CCDC146: variants seen among roughly 807,000 people sequenced by gnomAD.
CCDC146 encodes the protein coiled-coil domain-containing protein 146.
A neutral mutation model predicts 119.3 loss-of-function variants in CCDC146; 92 were observed. That is an observed-to-expected ratio of 0.77 (90% CI 0.65 to 0.92). The LOEUF is 0.92. Ranked by LOEUF, CCDC146 falls within the 40% of genes least tolerant of loss-of-function variation. The pLI is 0.00. For synonymous variants in CCDC146, 372 were observed against 371.8 expected, an observed-to-expected ratio of 1.00 and a Z score of -0.01; for missense variants, 1,000 against 1,103.0, an observed-to-expected ratio of 0.91 and a Z score of 1.32.
At chr7:77,213,307 G>T (rs1307059742) in intron 2 of CCDC146, among the ~76,000 whole-genome samples, 1 of 151,442 alleles carries the variant, frequency 6.6e-6, no homozygotes, top group African/African-American at 2.4e-5. Context: ...TTCCCAGGCT[G>T]GTCTTAAATT....
At position 77,274,598 on chromosome 7, in the gene CCDC146, T is replaced by C. The variant is rs1212555829; in HGVS notation, c.1386T>C (p.Thr462=). ...KELVVNLLRM[T]QIKIDEKEQK... is the part of the protein sequence containing the mutation. ...TAGTAGTCAACCTTCTCCGCATGAC[T>C]CAAATCAAAATTGATGAAAAGGAAC... The change falls in exon 11 of 19, where the codon ACT becomes ACC. Residue 462 remains threonine (T), a synonymous_variant. Transcript: ENST00000285871. 5 of 1,613,116 alleles carry C rather than the reference T, an allele frequency of 3.1e-6. No homozygotes were observed. Among genetic ancestry groups the C allele is most frequent in the Non-Finnish European group, 3.4e-6 (4 of 1,179,664 alleles).
At position 77,154,151 on chromosome 7, in the gene CCDC146, C is replaced by T. The variant is rs2117451240; in HGVS notation, c.-11-13507C>T. 1.3e-5 allele frequency among the ~76,000 whole-genome samples: 2 copies of T among 151,842 alleles called. 1 individual carries two copies. Among genetic ancestry groups the T allele is most frequent in the Admixed American group, 1.3e-4 (2 of 15,262 alleles). On this transcript the variant is annotated intron_variant, in intron 1 of 18. Transcript: ENST00000285871. ...GTAGTTGCCAGGGGTTGGGGGAGGTCCGAGGGGTTGACTATAATGTGCTGT... is the reference window on the plus strand; with the variant it reads ...GTAGTTGCCAGGGGTTGGGGGAGGTTCGAGGGGTTGACTATAATGTGCTGT...
At chr7:77,282,389 C>T (rs1793780414) in intron 14 of CCDC146, 168 bp from the exon 15 acceptor site, 1 of 588,574 alleles carries the variant, frequency 1.7e-6, no homozygotes, top group South Asian at 2.3e-5. Context: ...TAGAGAATTC[C>T]AAAGTGTGGA....
At chr7:77,169,657 T>C (rs1230025559) in intron 2 of CCDC146, among the ~76,000 whole-genome samples, 1 of 152,228 alleles carries the variant, frequency 6.6e-6, no homozygotes, top group African/African-American at 2.4e-5. Context: ...CATGCTATCA[T>C]TGTCCCACAT....
chr7:77,261,729 G>T (rs535258920), intron 8 of CCDC146, among the ~76,000 whole-genome samples: 1 of 151,618 alleles, frequency 6.6e-6, no homozygotes, highest in African/African-American at 2.4e-5. Context: ...CACCCACCTC[G>T]GCCTCCCAAA....
chr7:77,210,918 A>T (rs1175062470), intron 2 of CCDC146, among the ~76,000 whole-genome samples: 5 of 152,100 alleles, frequency 3.3e-5, no homozygotes, highest in Admixed American at 3.3e-4. Flanking sequence ...AGCAAGGGGG[A>T]TATCTGACCC....
At chr7:77,207,725 G>A (rs1444121558) in intron 2 of CCDC146, among the ~76,000 whole-genome samples, 1 of 152,074 alleles carries the variant, frequency 6.6e-6, no homozygotes, top group Non-Finnish European at 1.5e-5. Context: ...AACAAGCTAG[G>A]CCTTAAGTTT....
chr7:77,246,369 G>T (rs922141143), intron 4 of CCDC146: 1 of 152,202 alleles, frequency 6.6e-6, no homozygotes, highest in Non-Finnish European at 1.5e-5. Context: ...AGCATATCGG[G>T]CTTCCTGCAT....
intron 14 of CCDC146, among the ~76,000 whole-genome samples, chr7:77,281,335 C>G (rs1402677523): frequency 6.6e-6 from 1 of 152,160 alleles, no homozygotes; most frequent in Non-Finnish European, 1.5e-5. Flanking sequence ...TATATTTAGC[C>G]ATTCTCCTAG....
intron 2 of CCDC146, among the ~76,000 whole-genome samples, chr7:77,225,463 G>A (rs1253588203): frequency 6.6e-6 from 1 of 151,930 alleles, no homozygotes; most frequent in East Asian, 1.9e-4. Context: ...TGAGGCAGGA[G>A]TATCGCTTGA....
At chr7:77,218,761 G>A (rs936737275) in intron 2 of CCDC146, among the ~76,000 whole-genome samples, 7 of 151,556 alleles carry the variant, frequency 4.6e-5, no homozygotes, top group African/African-American at 1.7e-4. Context: ...TGTAGAGATG[G>A]GGGTCTCACT....
chr7:77,182,578 C>T (rs1450676955), intron 2 of CCDC146, among the ~76,000 whole-genome samples: 1 of 152,044 alleles, frequency 6.6e-6, no homozygotes, highest in Non-Finnish European at 1.5e-5. Flanking sequence ...TTGAGACCAG[C>T]CTGGCAGCAC....
At chr7:77,177,095 C>CA in intron 2 of CCDC146, among the ~76,000 whole-genome samples, 1 of 152,228 alleles carries the variant, frequency 6.6e-6, no homozygotes. Context: ...CTCGGCCTCT[C>CA]AAAATGCTGG....
At chr7:77,222,114 C>G (rs538792851) in intron 2 of CCDC146, among the ~76,000 whole-genome samples, 4 of 152,172 alleles carry the variant, frequency 2.6e-5, no homozygotes, top group African/African-American at 9.7e-5. Context: ...TTTCAAGCCC[C>G]CTTACCAGTG....
chr7:77,288,690 A>G (rs1231257882), intron 17 of CCDC146, among the ~76,000 whole-genome samples: 2 of 152,228 alleles, frequency 1.3e-5, no homozygotes, highest in Non-Finnish European at 2.9e-5. Context: ...CATGCTAGGC[A>G]TGAGTTCAGA....
chr7:77,159,066 A>G (rs1348568627), intron 1 of CCDC146, among the ~76,000 whole-genome samples: 1 of 152,174 alleles, frequency 6.6e-6, no homozygotes, highest in Non-Finnish European at 1.5e-5. Context: ...GGGGATAAGT[A>G]TACATCCATG....
At chr7:77,277,050 T>C (rs924836112) in intron 11 of CCDC146, among the ~76,000 whole-genome samples, 2 of 151,666 alleles carry the variant, frequency 1.3e-5, no homozygotes, top group Non-Finnish European at 2.9e-5. Context: ...CCAGCCTGGG[T>C]GACAGAGCGA....
In CCDC146 at chr7:77,196,691, T is replaced by C. The variant is rs768858175; in HGVS notation, c.156+28867T>C. The C allele has an allele frequency of 1.9e-6, 3 of 1,614,076 alleles. No homozygotes were observed. In the East Asian group the frequency reaches 6.7e-5, roughly 36 times the overall value. ...TTCGACACCATTAAAGTCTTCAAGA[T>C]CTATTCTCAGAATCATTTCCTTACT... is the stretch of plus-strand genomic sequence containing the variant. On this transcript the variant is annotated intron_variant, in intron 2 of 18. Coordinates refer to ENST00000285871, the MANE Select transcript of CCDC146 (RefSeq NM_020879.3). This position sits in a 1 kb window ranked among gnomAD's most constrained non-coding sequence, Gnocchi z 4.2.
At chr7:77,293,597 C>A (rs942465670) in intron 18 of CCDC146, among the ~76,000 whole-genome samples, 2 of 152,234 alleles carry the variant, frequency 1.3e-5, no homozygotes, top group Admixed American at 1.3e-4. Flanking sequence ...CCACAGCATA[C>A]AGTGAGGCCT....
Sources: allele counts gnomAD v4.1 joint callset (sites outside exome capture counted in the v4.1 genomes callset), GRCh38; gene constraint gnomAD v4.1.1; non-coding constraint Gnocchi (gnomAD v3.1); transcripts MANE v1.5; gene names NCBI Gene and HGNC (gene_info 2026-07-23, HGNC 2026-07-21).